ZMYND8: variants seen among roughly 807,000 people sequenced by gnomAD.
The protein encoded by ZMYND8 is zinc finger MYND-type containing 8.
ZMYND8 carries 37 observed loss-of-function variants against 140.8 expected under a neutral mutation model. That is an observed-to-expected ratio of 0.26 (90% CI 0.20 to 0.35). The LOEUF (loss-of-function observed/expected upper bound fraction) is 0.35, where lower values mean the gene tolerates loss of function less well. Among genes scored for constraint, ZMYND8 ranks in the 10% least tolerant of loss-of-function variants. The pLI is 1.00. For synonymous variants in ZMYND8, 592 were observed against 597.1 expected, an observed-to-expected ratio of 0.99 and a Z score of 0.12; for missense variants, 1,068 against 1,570.0, an observed-to-expected ratio of 0.68 and a Z score of 5.40.
chr20:47,294,331 G>A (rs1031910564), intron 5 of ZMYND8, among the ~76,000 whole-genome samples: 19 of 151,528 alleles, frequency 1.3e-4, no homozygotes, highest in African/African-American at 4.6e-4. Flanking sequence ...CAGCCTGGGT[G>A]ACAGAGCAAG....
chr20:47,221,391 G>A lies in ZMYND8; in HGVS notation c.3340C>T (p.Gln1114Ter). 1.2e-6 allele frequency: 2 copies of A among 1,614,218 alleles called. No individual in the cohort carries two copies. Among genetic ancestry groups the A allele is most frequent in the Non-Finnish European group, 1.7e-6 (2 of 1,180,038 alleles). Residue 1114 changes from glutamine to a stop codon, truncating the protein, a stop_gained, in exon 20 of 23, where the codon CAA becomes TAA. Coordinates refer to ENST00000471951, the MANE Select transcript of ZMYND8 (RefSeq NM_001281775.3). LOFTEE classifies it high-confidence loss of function. ...CTGGCCGTTTCTGAAGGTGCTGATT[G>A]TGTGCTCGAGGAGCTCCCCTGGGAG... ...KSSQGSSSST[Q>*]SAPSETASAS...
At chr20:47,238,563 T>C in intron 15 of ZMYND8, 195 bp downstream of exon 15, 1 of 1,083,284 alleles carries the variant, frequency 9.2e-7, no homozygotes, top group Non-Finnish European at 1.3e-6. Flanking sequence ...AAAAAAAACT[T>C]TTTGAAAGTA....
intron 15 of ZMYND8, 88 bp from the exon 16 acceptor site, chr20:47,236,604 A>G (rs1388553300): frequency 7.6e-7 from 1 of 1,307,510 alleles, no homozygotes; most frequent in Non-Finnish European, 1.0e-6. Flanking sequence ...CCCCTAATAG[A>G]CATCCTGAGA....
chr20:47,229,834 G>T, intron 16 of ZMYND8, 28 bp from the exon 17 acceptor site: 2 of 1,583,126 alleles, frequency 1.3e-6, no homozygotes, highest in Non-Finnish European at 1.7e-6. Flanking sequence ...AAACAATTCA[G>T]CTGATCACTT....
chr20:47,283,843 C>A (rs969855289), intron 8 of ZMYND8, among the ~76,000 whole-genome samples, 195 bp from the exon 9 acceptor site: 42 of 152,124 alleles, frequency 2.8e-4, no homozygotes, highest in Admixed American at 2.0e-3. Context: ...TCTCTCTGGA[C>A]CAATGCAACA....
chr20:47,220,112 C>T (rs1346896931), intron 21 of ZMYND8, 146 bp downstream of exon 21: 1 of 676,502 alleles, frequency 1.5e-6, no homozygotes, highest in East Asian at 2.8e-5. Context: ...CCCTCACCCC[C>T]ACTGACCCAC....
chr20:47,219,997 C>CAGAA (rs1432984316), intron 21 of ZMYND8, among the ~76,000 whole-genome samples: 3 of 152,064 alleles, frequency 2.0e-5, no homozygotes, highest in Admixed American at 6.5e-5. Context: ...AGGTCAGCAA[C>CAGAA]AGAACCCTCT....
At chr20:47,286,418 A>G (rs557752080) in intron 8 of ZMYND8, among the ~76,000 whole-genome samples, 30 of 151,956 alleles carry the variant, frequency 2.0e-4, no homozygotes, top group Admixed American at 1.3e-4. Flanking sequence ...GACTCAAGTG[A>G]TCTCCCTGCC....
Position 47,238,742 on chromosome 20 carries a change from A to AG in ZMYND8, c.2665+15dup. 1.2e-6 allele frequency: 2 copies of AG among 1,602,760 alleles called. No individual in the cohort carries two copies. Among genetic ancestry groups the AG allele is most frequent in the Non-Finnish European group, 1.7e-6 (2 of 1,175,186 alleles). ...GGGAGCGGGCGCCACGGAGAACAGA[A>AG]GGGGAGGCTCGGTACCTTTCACAGC... On this transcript the variant is annotated intron_variant, in intron 15 of 22. Transcript: ENST00000471951.
chr20:47,297,716 C>T (rs1218223293), intron 4 of ZMYND8, among the ~76,000 whole-genome samples: 6 of 152,158 alleles, frequency 3.9e-5, no homozygotes, highest in South Asian at 2.1e-4. Flanking sequence ...TGAGCCACCA[C>T]GCTCAGCCTC....
intron 11 of ZMYND8, among the ~76,000 whole-genome samples, chr20:47,266,588 C>T (rs8114423): frequency 1.2e-3 from 189 of 152,176 alleles, no homozygotes; most frequent in African/African-American, 4.3e-3. Flanking sequence ...TCAGCCCATT[C>T]TTAATTCCTC....
At chr20:47,232,012 T>TTGGGAG (rs2038556311) in intron 16 of ZMYND8, among the ~76,000 whole-genome samples, 1 of 152,208 alleles carries the variant, frequency 6.6e-6, no homozygotes, top group Admixed American at 6.5e-5. Flanking sequence ...CAGGAAAAGT[T>TTGGGAG]CATCAGCTCC....
chr20:47,324,237 C>A (rs2080216968), intron 2 of ZMYND8, among the ~76,000 whole-genome samples: 1 of 148,194 alleles, frequency 6.7e-6, no homozygotes, highest in Non-Finnish European at 1.5e-5. Context: ...CAAACCTTTA[C>A]CGGTCGTGGT....
intron 2 of ZMYND8, chr20:47,318,626 T>G (rs1366668340): frequency 2.4e-6 from 1 of 414,056 alleles, no homozygotes; most frequent in Admixed American, 3.0e-5. Context: ...AGCAAATGAT[T>G]ATTTCCTCCA....
At chr20:47,291,971 A>G in intron 5 of ZMYND8, 83 bp from the exon 6 acceptor site, 1 of 1,224,718 alleles carries the variant, frequency 8.2e-7, no homozygotes, top group Non-Finnish European at 1.1e-6. Flanking sequence ...AGGCTTGAAA[A>G]ATTGAGACAA....
intron 2 of ZMYND8, among the ~76,000 whole-genome samples, chr20:47,340,134 G>C (rs1403119396): frequency 1.3e-5 from 2 of 151,998 alleles, no homozygotes; most frequent in Non-Finnish European, 2.9e-5. Context: ...TGGACACTGG[G>C]TTTCACCATA....
intron 3 of ZMYND8, among the ~76,000 whole-genome samples, chr20:47,300,286 C>A (rs2148074032): frequency 1.3e-5 from 2 of 152,292 alleles, no homozygotes; most frequent in South Asian, 2.1e-4. Flanking sequence ...CACTTTGAGC[C>A]TCAATTCCCT....
Position 47,301,861 on chromosome 20 carries a change from A to T in ZMYND8, c.235-2914T>A, listed in dbSNP as rs1326800811. Among the ~76,000 whole-genome samples, 6 of 152,216 alleles carry T rather than the reference A, an allele frequency of 3.9e-5. No homozygotes were observed. In the East Asian group the frequency reaches 1.2e-3, roughly 29 times the overall value. Reference sequence around the variant, plus strand: ...TCCCATAATCCCCATGTGTCATGGGAGGGACCCAGTGGGAGGTAATTGAAT... The same window carrying T: ...TCCCATAATCCCCATGTGTCATGGGTGGGACCCAGTGGGAGGTAATTGAAT... On this transcript the variant is annotated intron_variant, in intron 3 of 22. Coordinates refer to ENST00000471951, the MANE Select transcript of ZMYND8 (RefSeq NM_001281775.3).
intron 7 of ZMYND8, among the ~76,000 whole-genome samples, chr20:47,289,431 A>G (rs912158599): frequency 3.9e-5 from 6 of 152,162 alleles, no homozygotes; most frequent in African/African-American, 1.4e-4. Flanking sequence ...AATCCTACTC[A>G]CTGAGCTGGC....
Sources: allele counts gnomAD v4.1 joint callset (sites outside exome capture counted in the v4.1 genomes callset), GRCh38; gene constraint gnomAD v4.1.1; transcripts MANE v1.5; gene names NCBI Gene and HGNC (gene_info 2026-07-23, HGNC 2026-07-21).